UVRAG: variants seen among roughly 807,000 people sequenced by gnomAD.
The protein encoded by UVRAG is UV radiation resistance associated.
A neutral mutation model predicts 78.0 loss-of-function variants in UVRAG; 19 were observed. The ratio of observed to expected loss-of-function variants is 0.24; its 90% CI spans 0.17 to 0.36. UVRAG has a LOEUF of 0.36. UVRAG is among the 10% of genes least tolerant of loss of function. The pLI is 1.00. For synonymous variants in UVRAG, 323 were observed against 324.6 expected (o/e 1.00, Z 0.05); for missense variants, 740 against 853.8 (o/e 0.87, Z 1.66).
chr11:76,101,549 A>C (rs1339639237), intron 13 of UVRAG, among the ~76,000 whole-genome samples: 1 of 152,072 alleles, frequency 6.6e-6, no homozygotes, highest in Non-Finnish European at 1.5e-5. Context: ...CTCTGTTGAC[A>C]GTTTATTTTG....
intron 14 of UVRAG, among the ~76,000 whole-genome samples, chr11:76,134,850 CAG>C (rs972378648): frequency 2.0e-5 from 3 of 152,178 alleles, no homozygotes; most frequent in African/African-American, 7.2e-5. Flanking sequence ...TCATATAACT[CAG>C]GGGTGCCCAA....
intron 13 of UVRAG, among the ~76,000 whole-genome samples, chr11:76,104,419 G>A (rs1435144613): frequency 1.3e-5 from 2 of 152,024 alleles, no homozygotes; most frequent in African/African-American, 4.8e-5. Context: ...TCTACCTCAC[G>A]GTTTCTTTAA....
chr11:75,997,714 A>G (rs1212829262), intron 8 of UVRAG, among the ~76,000 whole-genome samples: 1 of 152,238 alleles, frequency 6.6e-6, no homozygotes, highest in Non-Finnish European at 1.5e-5. Context: ...ACTAAAGTAG[A>G]GAAAAACTGC....
intron 13 of UVRAG, among the ~76,000 whole-genome samples, chr11:76,078,752 CAA>C (rs61700855): frequency 0.061 from 2,273 of 37,148 alleles, 65 homozygotes; most frequent in African/African-American, 0.14. Flanking sequence ...ACTAAAAATA[CAA>C]AAAAAAAAAA....
At chr11:76,065,540 A>G (rs1165264641) in intron 12 of UVRAG, among the ~76,000 whole-genome samples, 170 bp from the exon 13 acceptor site, 1 of 152,222 alleles carries the variant, frequency 6.6e-6, no homozygotes, top group Non-Finnish European at 1.5e-5. Context: ...CGTTATTCTG[A>G]CTTAATTAAT....
intron 14 of UVRAG, among the ~76,000 whole-genome samples, chr11:76,129,011 C>T: frequency 6.6e-6 from 1 of 152,062 alleles, no homozygotes; most frequent in East Asian, 1.9e-4. Context: ...TTACTGCAAA[C>T]CAGGCACTCT....
At chr11:76,113,698 C>T (rs1952124779) in intron 13 of UVRAG, among the ~76,000 whole-genome samples, 1 of 152,054 alleles carries the variant, frequency 6.6e-6, no homozygotes, top group African/African-American at 2.4e-5. Flanking sequence ...TTAAGCGGTT[C>T]TAGCCTTGGC....
chr11:75,855,070 A>G (rs543094954), intron 2 of UVRAG, among the ~76,000 whole-genome samples: 15 of 152,330 alleles, frequency 9.8e-5, no homozygotes, highest in African/African-American at 3.1e-4. Context: ...TAATAATCAT[A>G]ATAGTATTTT....
At position 76,140,779 on chromosome 11, in the gene UVRAG, A is replaced by C. The variant is rs1169398203; in HGVS notation, c.1466A>C (p.Asp489Ala). Residue 489 changes from aspartate (D) to alanine (A), a missense_variant, in exon 15 of 15, where the codon GAT (aspartate) becomes GCT (alanine). Asp to Ala is a moderately radical substitution (Grantham distance 126, BLOSUM62 -2). Transcript: ENST00000356136. The part of the protein sequence containing the change: ...KRQSSIFGGA[D>A]VGFSGGIPSP... ...CAAAGCTCCATATTTGGGGGTGCAG[A>C]TGTAGGCTTCTCTGGGGGGATCCCT... 6.2e-7 allele frequency: 1 copy of C among 1,613,888 alleles called. No individual in the cohort carries two copies.
intron 3 of UVRAG, among the ~76,000 whole-genome samples, chr11:75,872,566 T>C (rs542101371): frequency 1.3e-4 from 20 of 152,026 alleles, no homozygotes; most frequent in Non-Finnish European, 1.6e-4. Flanking sequence ...TTTTGTATTT[T>C]TTAGTAGAGG....
At chr11:75,964,781 GTTTTGTATCACGTACGTAAGGGTAATT>G (rs932211571) in intron 7 of UVRAG, among the ~76,000 whole-genome samples, 5 of 152,116 alleles carry the variant, frequency 3.3e-5, no homozygotes, top group African/African-American at 1.2e-4. Context: ...ATAGTTCATT[GTTTTGTATCACGTACGTAAGGGTAATT>G]TTTTCCCCCT....
rs1484906289 is a variant in UVRAG, at chr11:76,143,961, G to C, written c.*2548G>C. Among the ~76,000 whole-genome samples the C allele has an allele frequency of 6.6e-6, 1 of 152,200 alleles. No individual in the cohort carries two copies. Among genetic ancestry groups the C allele is most frequent in the Non-Finnish European group, 1.5e-5 (1 of 68,040 alleles). ...AAACAGCGGGCAAATGTTATCAAATGAATATTTGATTGTGTTTTTTCTCTT... is the reference window on the plus strand; with the variant it reads ...AAACAGCGGGCAAATGTTATCAAATCAATATTTGATTGTGTTTTTTCTCTT... On this transcript the variant is annotated 3_prime_UTR_variant, in exon 15 of 15. Coordinates refer to ENST00000356136, the MANE Select transcript of UVRAG (RefSeq NM_003369.4).
chr11:76,018,445 C>T (rs1224287632), intron 12 of UVRAG, among the ~76,000 whole-genome samples: 1 of 152,024 alleles, frequency 6.6e-6, no homozygotes, highest in South Asian at 2.1e-4. Flanking sequence ...GAGTCTTGCT[C>T]TGTTGCCAGG....
At chr11:75,953,822 A>T (rs773356346) in intron 6 of UVRAG, among the ~76,000 whole-genome samples, 6 of 152,176 alleles carry the variant, frequency 3.9e-5, no homozygotes, top group Non-Finnish European at 8.8e-5. Flanking sequence ...TACCTATCGG[A>T]TAGCTATTTG....
At chr11:75,872,324 A>G (rs1310405289) in intron 3 of UVRAG, among the ~76,000 whole-genome samples, 1 of 151,190 alleles carries the variant, frequency 6.6e-6, no homozygotes, top group East Asian at 1.9e-4. Flanking sequence ...ATAAGGCTCC[A>G]TTATTCTTAC....
chr11:76,066,469 AT>A (rs1156614372), intron 13 of UVRAG, among the ~76,000 whole-genome samples: 1 of 150,700 alleles, frequency 6.6e-6, no homozygotes, highest in African/African-American at 2.4e-5. Flanking sequence ...TTTGTTTTTT[AT>A]TTTTTTTTGT....
At chr11:75,830,825 ATTAATTCAACAGTTAATT>A (rs1461810196) in intron 1 of UVRAG, among the ~76,000 whole-genome samples, 1 of 152,198 alleles carries the variant, frequency 6.6e-6, no homozygotes, top group Non-Finnish European at 1.5e-5. Flanking sequence ...CTACAACATT[ATTAATTCAACAGTTAATT>A]TTTGAGTTTC....
chr11:75,987,955 C>G (rs112245694), intron 8 of UVRAG, among the ~76,000 whole-genome samples: 1,720 of 152,258 alleles, frequency 0.011, 32 homozygotes, highest in African/African-American at 0.039. Context: ...CCAGGCTGGT[C>G]TCAAACTCCT....
chr11:76,017,009 T>G (rs1207789972), intron 12 of UVRAG, 29 bp downstream of exon 12: 2 of 1,533,486 alleles, frequency 1.3e-6, no homozygotes, highest in Non-Finnish European at 1.8e-6. Context: ...AAAAAATGAT[T>G]TTAACATCAA....
Sources: gnomAD v4.1 joint callset for allele counts (sites outside exome capture counted in the v4.1 genomes callset) on GRCh38, gnomAD v4.1.1 for gene constraint, MANE v1.5 for transcripts, NCBI Gene and HGNC (gene_info 2026-07-23, HGNC 2026-07-21) for gene names.